PDE8B: variants seen among roughly 807,000 people sequenced by gnomAD.
PDE8B encodes the protein high affinity cAMP-specific and IBMX-insensitive 3',5'-cyclic phosphodiesterase 8B.
A neutral mutation model predicts 101.3 loss-of-function variants in PDE8B; 26 were observed. The observed-to-expected ratio is 0.26, with a 90% CI of 0.19 to 0.36. PDE8B has a LOEUF of 0.36. Ranked by LOEUF, PDE8B falls within the 10% of genes least tolerant of loss-of-function variation. The pLI, the probability that PDE8B is intolerant of heterozygous loss-of-function variation, is 1.00. For synonymous variants in PDE8B, 424 were observed against 429.3 expected (o/e 0.99, Z 0.15); for missense variants, 810 against 1,163.1 (o/e 0.70, Z 4.42).
chr5:77,277,132 T>C (rs1764006346), intron 1 of PDE8B, among the ~76,000 whole-genome samples: 2 of 152,198 alleles, frequency 1.3e-5, no homozygotes, highest in African/African-American at 4.8e-5. Flanking sequence ...CAAGGGGTGC[T>C]GTGGTAGAAC....
chr5:77,108,066 T>G, the PDE8B span, among the ~76,000 whole-genome samples: 1 of 152,146 alleles, frequency 6.6e-6, no homozygotes, highest in Admixed American at 6.5e-5. Context: ...ATTCCTGCAT[T>G]TACACTGCAG....
chr5:77,206,603 C>T (rs890135526), upstream of PDE8B, among the ~76,000 whole-genome samples: 2 of 152,130 alleles, frequency 1.3e-5, no homozygotes, highest in Admixed American at 6.5e-5. Context: ...GAGGCTGGTG[C>T]GGCTGGAGCA....
chr5:77,099,876 C>T, the PDE8B span, among the ~76,000 whole-genome samples: 3 of 152,126 alleles, frequency 2.0e-5, no homozygotes, highest in East Asian at 1.9e-4. Flanking sequence ...TCCCAAAGTG[C>T]GGGGATTACA....
At chr5:77,262,519 T>A (rs1760831443) in intron 1 of PDE8B, among the ~76,000 whole-genome samples, 1 of 152,268 alleles carries the variant, frequency 6.6e-6, no homozygotes, top group African/African-American at 2.4e-5. Context: ...CATACTGCTG[T>A]CACAAAAATT....
At chr5:77,102,899 C>T in the PDE8B span, among the ~76,000 whole-genome samples, 5,294 of 152,258 alleles carry the variant, frequency 0.035, 136 homozygotes, top group East Asian at 0.07. Flanking sequence ...TTCTCACCTG[C>T]GTGGCCAAGA....
At position 77,413,229 on chromosome 5, in the gene PDE8B, T is replaced by G. The variant is rs201596222; in HGVS notation, c.1831T>G (p.Ser611Ala). 5.1e-5 allele frequency: 83 copies of G among 1,613,856 alleles called. No individual in the cohort carries two copies. Among genetic ancestry groups the G allele is most frequent in the Non-Finnish European group, 6.7e-5 (79 of 1,179,960 alleles). ...AGTGATCGAAGCCAACTACCACTCT[T>G]CCAATGCCTACCACAACTCCACCCA... The part of the protein sequence containing the change: ...FQVIEANYHS[S>A]NAYHNSTHAA... Residue 611 changes from serine to alanine, a missense_variant, in exon 17 of 22, where the codon TCC becomes GCC. Physicochemically the swap from Ser to Ala is moderately conservative, Grantham distance 99. Transcript: ENST00000264917.
chr5:77,197,628 G>C, the PDE8B span, among the ~76,000 whole-genome samples: 99 of 150,078 alleles, frequency 6.6e-4, no homozygotes, highest in East Asian at 0.017. Flanking sequence ...CATTTTTATC[G>C]TGTCTCTTTG....
chr5:77,370,511 C>A (rs1784900275), intron 10 of PDE8B, among the ~76,000 whole-genome samples: 1 of 152,198 alleles, frequency 6.6e-6, no homozygotes, highest in African/African-American at 2.4e-5. Flanking sequence ...TACTGCTGAG[C>A]ACTGTTCTAT....
At chr5:77,160,803 A>G in the PDE8B span, among the ~76,000 whole-genome samples, 3 of 151,866 alleles carry the variant, frequency 2.0e-5, no homozygotes, top group African/African-American at 7.3e-5. Flanking sequence ...GAAGTGGGCC[A>G]CCATGCCTGG....
Position 77,353,379 on chromosome 5 carries a change from G to A in PDE8B, c.1140G>A (p.Leu380=). The A allele has an allele frequency of 6.2e-7, 1 of 1,604,266 alleles. No homozygotes were observed. The highest frequency in any genetic ancestry group is 1.1e-5 in the South Asian group (1 of 90,878). ...GGCATTTTGTCTCGCTCAAGAAACT[G>A]TGTTGTACCACTGACAATAATAAGC... ...KIRHFVSLKK[L]CCTTDNNKQI... The change falls in exon 10 of 22, where the codon CTG becomes CTA. Residue 380 remains leucine (L), a synonymous_variant. Coordinates refer to ENST00000264917, the MANE Select transcript of PDE8B (RefSeq NM_003719.5).
rs573787179 is a variant in PDE8B at position 77,315,081 on chromosome 5, T to C, written c.399+3028T>C. On this transcript the variant is annotated intron_variant, in intron 2 of 21. Coordinates refer to ENST00000264917, the MANE Select transcript of PDE8B (RefSeq NM_003719.5). ...TTTATATATTCTTGTTATGACTCCT[T>C]TGTCAGATTCTGAGAACATTTTCTC... is the stretch of plus-strand genomic sequence containing the variant. Among the ~76,000 whole-genome samples, 5 of 152,310 alleles carry C rather than the reference T, an allele frequency of 3.3e-5. No individual in the cohort carries two copies. In the South Asian group the frequency reaches 1.0e-3, roughly 32 times the overall value.
At chr5:77,185,731 C>T in the PDE8B span, among the ~76,000 whole-genome samples, 19 of 152,250 alleles carry the variant, frequency 1.2e-4, no homozygotes, top group African/African-American at 4.6e-4. Context: ...GTCCCCCCAC[C>T]CCCTGCCATT....
In PDE8B at chr5:77,355,497, G is replaced by A. The variant is rs189173160; in HGVS notation, c.1167+2091G>A. Among the ~76,000 whole-genome samples the A allele has an allele frequency of 5.9e-5, 9 of 152,242 alleles. No homozygotes were observed. The East Asian group carries it at 1.5e-3, about 26-fold the overall frequency. On this transcript the variant is annotated intron_variant, in intron 10 of 21. Coordinates refer to ENST00000264917, the MANE Select transcript of PDE8B (RefSeq NM_003719.5). ...GGGGTTTAGCCCTGATGTCAAAATC[G>A]GCCCATGGGTTTGCATTTTAACAAG...
chr5:77,098,385 G>T, the PDE8B span, among the ~76,000 whole-genome samples: 2 of 151,890 alleles, frequency 1.3e-5, no homozygotes, highest in Non-Finnish European at 1.5e-5. Context: ...CTGCGTGCCA[G>T]TGATTCTCCC....
intron 11 of PDE8B, 108 bp from the exon 12 acceptor site, chr5:77,404,612 A>T (rs2151033917): frequency 1.4e-6 from 1 of 733,968 alleles, no homozygotes. Context: ...TATAGTGCTT[A>T]AAAAGTAACC....
At chr5:77,200,176 A>C in the PDE8B span, among the ~76,000 whole-genome samples, 1 of 152,156 alleles carries the variant, frequency 6.6e-6, no homozygotes, top group Non-Finnish European at 1.5e-5. Flanking sequence ...TGCAACAAAA[A>C]CCAGAAACAA....
At chr5:77,416,522 C>G (rs1217901904) in intron 17 of PDE8B, among the ~76,000 whole-genome samples, 2 of 152,242 alleles carry the variant, frequency 1.3e-5, no homozygotes, top group Non-Finnish European at 2.9e-5. Context: ...CTTGCTTGCC[C>G]TGGGCACTGC....
chr5:77,393,433 T>G (rs335620), intron 10 of PDE8B, among the ~76,000 whole-genome samples: 31,132 of 151,350 alleles, frequency 0.21, 4,018 homozygotes, highest in Non-Finnish European at 0.3. Flanking sequence ...AAAAGAGTGG[T>G]TAGGACTAGA....
chr5:77,376,960 T>A (rs1786256701), intron 10 of PDE8B, among the ~76,000 whole-genome samples: 2 of 152,150 alleles, frequency 1.3e-5, no homozygotes, highest in South Asian at 4.2e-4. Flanking sequence ...GCATGTGGGT[T>A]TACACAGAAA....
Sources: allele counts gnomAD v4.1 joint callset (sites outside exome capture counted in the v4.1 genomes callset), GRCh38; gene constraint gnomAD v4.1.1; transcripts MANE v1.5; gene names NCBI Gene and HGNC (gene_info 2026-07-23, HGNC 2026-07-21).